The following ARL8B variants were observed in gnomAD, a reference collection of about 807,000 sequenced individuals.
The protein encoded by ARL8B is ARF like GTPase 8B.
Under a neutral mutation model 30.6 loss-of-function variants are expected in ARL8B, and 9 were observed. The ratio of observed to expected loss-of-function variants is 0.29; its 90% CI spans 0.18 to 0.51. The LOEUF (loss-of-function observed/expected upper bound fraction) is 0.51. ARL8B is among the 20% of genes least tolerant of loss of function. The pLI, the probability that ARL8B is intolerant of heterozygous loss-of-function variation, is 0.97. For missense variants in ARL8B, 130 were observed against 227.2 expected (o/e 0.57, Z 2.75); for synonymous variants, 74 against 76.0 (o/e 0.97, Z 0.14).
Position 5,176,212 on chromosome 3 carries a change from C to T in ARL8B, c.511+1798C>T, listed in dbSNP as rs368170547. Among the ~76,000 whole-genome samples, 69 of 152,178 alleles carry T rather than the reference C, an allele frequency of 4.5e-4. 1 individual carries two copies. The highest frequency in any genetic ancestry group is 3.4e-3 in the Middle Eastern group (1 of 294). ...TCCTTCCCTAACTCACCTTCCACCCCGCCTGCAAACATGGCTTTATTTATT... is the reference window on the plus strand; with the variant it reads ...TCCTTCCCTAACTCACCTTCCACCCTGCCTGCAAACATGGCTTTATTTATT... On this transcript the variant is annotated intron_variant, in intron 6 of 6. Transcript: ENST00000256496.
At chr3:5,147,907 A>G (rs3864060) in intron 1 of ARL8B, among the ~76,000 whole-genome samples, 58,250 of 148,332 alleles carry the variant, frequency 0.39, 13,280 homozygotes, top group African/African-American at 0.65. Context: ...GAATGCCTTT[A>G]AGACATTTTG....
At chr3:5,149,841 TG>T (rs1398677150) in intron 1 of ARL8B, among the ~76,000 whole-genome samples, 1 of 152,196 alleles carries the variant, frequency 6.6e-6, no homozygotes, top group African/African-American at 2.4e-5. Flanking sequence ...CTACCACATT[TG>T]GTTGGACAAA....
At chr3:5,153,510 CTCTT>C (rs2054504223) in intron 1 of ARL8B, among the ~76,000 whole-genome samples, 1 of 152,050 alleles carries the variant, frequency 6.6e-6, no homozygotes, top group African/African-American at 2.4e-5. Flanking sequence ...TCCATTAAAC[CTCTT>C]TCTTTTGTAA....
chr3:5,178,813 A>C lies in ARL8B; in HGVS notation c.*100A>C, dbSNP rs764015795. On this transcript the variant is annotated 3_prime_UTR_variant, in exon 7 of 7. Coordinates refer to ENST00000256496, the MANE Select transcript of ARL8B (RefSeq NM_018184.3). The stretch of plus-strand genomic sequence containing the variant: ...CAGAATACGGTCCTTCCTAAACCCC[A>C]GAAATTGCCTTTTTCAGAGTTTATT... 38 of 1,573,738 alleles carry C rather than the reference A, an allele frequency of 2.4e-5. No homozygotes were observed. The highest frequency in any genetic ancestry group is 3.3e-5 in the Non-Finnish European group (38 of 1,164,914).
At chr3:5,128,162 C>CAAAA (rs35084667) in intron 1 of ARL8B, among the ~76,000 whole-genome samples, 6 of 53,152 alleles carry the variant, frequency 1.1e-4, no homozygotes, top group African/African-American at 3.5e-4. Flanking sequence ...AAATCCGTCT[C>CAAAA]AAAAAAAAAA....
intron 1 of ARL8B, among the ~76,000 whole-genome samples, chr3:5,128,104 G>T (rs932063849): frequency 1.5e-5 from 2 of 134,358 alleles, no homozygotes; most frequent in East Asian, 2.5e-4. Context: ...CGGAGGTTGC[G>T]TTGAGCCGAA....
chr3:5,140,458 A>G (rs991223972), intron 1 of ARL8B, among the ~76,000 whole-genome samples: 6 of 151,994 alleles, frequency 3.9e-5, no homozygotes, highest in Non-Finnish European at 5.9e-5. Context: ...CTCCCCAGCC[A>G]TGTGGAACTG....
At chr3:5,174,317 G>C (rs768118428) in intron 5 of ARL8B, 27 bp from the exon 6 acceptor site, 16 of 1,492,936 alleles carry the variant, frequency 1.1e-5, no homozygotes, top group Non-Finnish European at 1.5e-5. Context: ...TCTAAGCACA[G>C]ACTTATCCTT....
At chr3:5,160,641 T>C (rs887118776) in intron 1 of ARL8B, among the ~76,000 whole-genome samples, 1 of 152,224 alleles carries the variant, frequency 6.6e-6, no homozygotes, top group African/African-American at 2.4e-5. Context: ...AACGACAGCA[T>C]GTAATTAGTT....
rs576188885 is a variant in ARL8B at position 5,163,352 on chromosome 3, T to C, written c.124-7151T>C. On this transcript the variant is annotated intron_variant, in intron 1 of 6. Transcript: ENST00000256496. ...CTGCTTCTGTATTAATATCGCTGAATCTTTTAACATGTACTTTTTAACTAA... is the reference window on the plus strand; with the variant it reads ...CTGCTTCTGTATTAATATCGCTGAACCTTTTAACATGTACTTTTTAACTAA... Among the ~76,000 whole-genome samples, 66 of 152,272 alleles carry C rather than the reference T, an allele frequency of 4.3e-4. 1 individual carries two copies. The South Asian group carries it at 0.013, about 30-fold the overall frequency.
intron 1 of ARL8B, among the ~76,000 whole-genome samples, chr3:5,164,709 C>T (rs945157130): frequency 6.6e-6 from 1 of 152,142 alleles, no homozygotes; most frequent in Non-Finnish European, 1.5e-5. Context: ...TTTACCTATT[C>T]CATTTTTGTC....
At chr3:5,145,430 C>T (rs1390346539) in intron 1 of ARL8B, among the ~76,000 whole-genome samples, 1 of 152,308 alleles carries the variant, frequency 6.6e-6, no homozygotes, top group South Asian at 2.1e-4. Flanking sequence ...CGACTCTCCT[C>T]TACCAGCAGG....
chr3:5,141,100 A>T (rs1199693406), intron 1 of ARL8B, among the ~76,000 whole-genome samples: 1 of 152,076 alleles, frequency 6.6e-6, no homozygotes, highest in East Asian at 1.9e-4. Context: ...TCCCCACTTC[A>T]GTTTCGATTT....
rs964706188 is a variant in ARL8B, at chr3:5,127,259, G to T, written c.123+4671G>T. On this transcript the variant is annotated intron_variant, in intron 1 of 6. Coordinates refer to ENST00000256496, the MANE Select transcript of ARL8B (RefSeq NM_018184.3). The stretch of plus-strand genomic sequence containing the variant: ...GAGATAGAATTAGAATCTGGGGCCA[G>T]TGTACTTTCTACTTTTCCCACCTCT... 2.6e-4 allele frequency among the ~76,000 whole-genome samples: 40 copies of T among 152,346 alleles called. 1 individual carries two copies. The highest frequency in any genetic ancestry group is 9.4e-4 in the African/African-American group (39 of 41,582).
intron 1 of ARL8B, among the ~76,000 whole-genome samples, chr3:5,139,379 T>C (rs1207929014): frequency 2.0e-5 from 3 of 152,226 alleles, no homozygotes; most frequent in African/African-American, 7.2e-5. Context: ...TGCCTATTTA[T>C]CTTATGATGT....
At chr3:5,145,944 C>G (rs1203265092) in intron 1 of ARL8B, among the ~76,000 whole-genome samples, 4 of 152,038 alleles carry the variant, frequency 2.6e-5, no homozygotes, top group Non-Finnish European at 5.9e-5. Flanking sequence ...ACTTGCAATC[C>G]CCTCTCTCCT....
At chr3:5,170,852 T>G (rs1266695455) in intron 2 of ARL8B, 1 of 268,176 alleles carries the variant, frequency 3.7e-6, no homozygotes, top group African/African-American at 2.3e-5. Context: ...TGCCTCAGCC[T>G]CCAAAATAGC....
chr3:5,165,555 TCTGTA>T (rs1205239424), intron 1 of ARL8B, among the ~76,000 whole-genome samples: 1 of 152,120 alleles, frequency 6.6e-6, no homozygotes, highest in Non-Finnish European at 1.5e-5. Context: ...AGTAGCTTCT[TCTGTA>T]CTGTACCAAA....
At chr3:5,166,316 G>C (rs1055709093) in intron 1 of ARL8B, among the ~76,000 whole-genome samples, 20 of 149,674 alleles carry the variant, frequency 1.3e-4, no homozygotes, top group African/African-American at 4.4e-4. Context: ...GGGAGTACAG[G>C]TGTGAGCTGC....
Sources: gnomAD v4.1 joint callset for allele counts (sites outside exome capture counted in the v4.1 genomes callset) on GRCh38, gnomAD v4.1.1 for gene constraint, MANE v1.5 for transcripts, NCBI Gene and HGNC (gene_info 2026-07-23, HGNC 2026-07-21) for gene names.